NRXN3: variants seen among roughly 807,000 people sequenced by gnomAD.
NRXN3 encodes neurexin III.
Under a neutral mutation model 137.6 loss-of-function variants are expected in NRXN3, and 32 were observed. The ratio of observed to expected loss-of-function variants is 0.23; its 90% CI spans 0.18 to 0.31. The LOEUF is 0.31. Ranked by LOEUF, NRXN3 falls within the 10% of genes least tolerant of loss-of-function variation. The pLI is 1.00. For synonymous variants in NRXN3, 798 were observed against 784.5 expected, an observed-to-expected ratio of 1.02 and a Z score of -0.29; for missense variants, 1,574 against 2,062.5, an observed-to-expected ratio of 0.76 and a Z score of 4.59.
chr14:79,014,321 A>G (rs2099575731), intron 15 of NRXN3, among the ~76,000 whole-genome samples: 1 of 152,102 alleles, frequency 6.6e-6, no homozygotes, highest in South Asian at 2.1e-4. Context: ...TATGTACTCA[A>G]TGCTTAGCTC....
intron 4 of NRXN3, among the ~76,000 whole-genome samples, chr14:78,566,162 G>A (rs1036957876): frequency 2.6e-5 from 4 of 151,448 alleles, no homozygotes; most frequent in African/African-American, 4.9e-5. Context: ...CGCCCCCAAC[G>A]CCGGCCAAAA....
At chr14:79,569,716 C>T (rs1443914861) in intron 16 of NRXN3, among the ~76,000 whole-genome samples, 8 of 151,956 alleles carry the variant, frequency 5.3e-5, no homozygotes, top group African/African-American at 1.9e-4. Flanking sequence ...TCAAGTGATT[C>T]TCATGCCTCA....
intron 19 of NRXN3, among the ~76,000 whole-genome samples, chr14:79,780,712 C>A (rs1475466147): frequency 6.6e-6 from 1 of 152,170 alleles, no homozygotes; most frequent in African/African-American, 2.4e-5. Context: ...AATAAATTTT[C>A]TAATCAACAG....
At chr14:79,238,418 G>T (rs1351789862) in intron 15 of NRXN3, among the ~76,000 whole-genome samples, 1 of 152,080 alleles carries the variant, frequency 6.6e-6, no homozygotes. Context: ...CACTTGAGGA[G>T]TGAAACTTGC....
At chr14:78,980,801 A>C (rs979073507) in intron 14 of NRXN3, among the ~76,000 whole-genome samples, 2 of 152,184 alleles carry the variant, frequency 1.3e-5, no homozygotes, top group Non-Finnish European at 1.5e-5. Flanking sequence ...TTGACATCTT[A>C]TTCAGTCTTT....
chr14:78,992,677 T>A (rs2099521283), intron 15 of NRXN3, among the ~76,000 whole-genome samples: 2 of 152,232 alleles, frequency 1.3e-5, no homozygotes, highest in South Asian at 4.1e-4. Flanking sequence ...AAAAGGGTTG[T>A]CATTTTTATG....
chr14:79,470,951 AGT>A (rs371413883), intron 16 of NRXN3, among the ~76,000 whole-genome samples: 4,419 of 116,182 alleles, frequency 0.038, 56 homozygotes, highest in East Asian at 0.07. Context: ...AGAGAGAGAG[AGT>A]GTGTGTGTGT....
At chr14:78,198,249 C>T (rs1385691558) in intron 1 of NRXN3, among the ~76,000 whole-genome samples, 3 of 152,240 alleles carry the variant, frequency 2.0e-5, no homozygotes, top group Non-Finnish European at 4.4e-5. Flanking sequence ...GATGAGTGAG[C>T]AGCTGCTTTG....
At chr14:79,451,401 G>A (rs960979304) in intron 15 of NRXN3, among the ~76,000 whole-genome samples, 17 of 152,112 alleles carry the variant, frequency 1.1e-4, no homozygotes, top group Non-Finnish European at 2.1e-4. Context: ...CCAATTTTCT[G>A]TTAATTATGG....
At position 79,663,873 on chromosome 14, in the gene NRXN3, G is replaced by C. The variant is rs766353783; in HGVS notation, c.3540G>C (p.Val1180=). The change falls in exon 17 of 21, where the codon GTG becomes GTC. Residue 1180 remains valine (V), a synonymous_variant. Transcript: ENST00000335750. ...CTGTAAATGACGGCAAATACCATGT[G>C]GTACGCTTCACCAGGAACGGCGGCA... ...RTPVNDGKYH[V]VRFTRNGGNA... is the part of the protein sequence containing the mutation. 1 of 1,613,568 alleles carries C rather than the reference G, an allele frequency of 6.2e-7. No homozygotes were observed. Among genetic ancestry groups the C allele is most frequent in the Non-Finnish European group, 8.5e-7 (1 of 1,179,668 alleles).
intron 3 of NRXN3, among the ~76,000 whole-genome samples, chr14:78,286,218 T>C (rs1264969022): frequency 2.0e-5 from 3 of 152,186 alleles, no homozygotes; most frequent in African/African-American, 7.2e-5. Context: ...GAGGTGTTTA[T>C]TTGTTGCTCC....
chr14:78,976,586 T>G (rs1191515789), intron 14 of NRXN3, among the ~76,000 whole-genome samples: 1 of 152,228 alleles, frequency 6.6e-6, no homozygotes, highest in African/African-American at 2.4e-5. Context: ...AAACTGAAGA[T>G]TGTATCACAT....
intron 15 of NRXN3, among the ~76,000 whole-genome samples, chr14:79,192,878 C>T (rs1175805672): frequency 2.8e-5 from 4 of 143,808 alleles, no homozygotes; most frequent in Non-Finnish European, 6.0e-5. Flanking sequence ...TCAAGAGATT[C>T]TCCTGCCCCA....
At chr14:78,936,454 T>C (rs936878737) in intron 10 of NRXN3, among the ~76,000 whole-genome samples, 1 of 152,186 alleles carries the variant, frequency 6.6e-6, no homozygotes, top group African/African-American at 2.4e-5. Flanking sequence ...ATTGTATGGT[T>C]ACATTTATAT....
intron 15 of NRXN3, among the ~76,000 whole-genome samples, chr14:79,083,849 T>G (rs1568232068): frequency 6.6e-6 from 1 of 152,120 alleles, no homozygotes; most frequent in Non-Finnish European, 1.5e-5. Flanking sequence ...TGAGCTAAGT[T>G]TTGTTGTGAT....
intron 15 of NRXN3, among the ~76,000 whole-genome samples, chr14:79,127,057 T>C (rs1411033790): frequency 6.6e-6 from 1 of 152,268 alleles, no homozygotes; most frequent in South Asian, 2.1e-4. Context: ...TTGAGTTCAT[T>C]GTAGATTCTG....
intron 15 of NRXN3, among the ~76,000 whole-genome samples, chr14:79,053,786 C>A (rs963493607): frequency 6.6e-6 from 1 of 151,778 alleles, no homozygotes; most frequent in Non-Finnish European, 1.5e-5. Flanking sequence ...GGAAGGCCAG[C>A]AGGATAATGG....
At chr14:78,652,201 C>T (rs1045771970) in intron 6 of NRXN3, among the ~76,000 whole-genome samples, 1 of 152,208 alleles carries the variant, frequency 6.6e-6, no homozygotes, top group Non-Finnish European at 1.5e-5. Flanking sequence ...GAAGAAAATT[C>T]TTATAATGTG....
chr14:78,686,258 G>A (rs954354946), intron 6 of NRXN3, among the ~76,000 whole-genome samples: 1 of 152,168 alleles, frequency 6.6e-6, no homozygotes, highest in Non-Finnish European at 1.5e-5. Context: ...TGAGTGGATC[G>A]ATAAATGAAT....
Sources: allele counts gnomAD v4.1 joint callset (sites outside exome capture counted in the v4.1 genomes callset), GRCh38; gene constraint gnomAD v4.1.1; transcripts MANE v1.5; gene names NCBI Gene and HGNC (gene_info 2026-07-23, HGNC 2026-07-21).